NRXN3: variants seen among roughly 807,000 people sequenced by gnomAD.
NRXN3 encodes the protein neurexin III.
In NRXN3, 32 loss-of-function variants were observed where a neutral mutation model predicts 137.6. The ratio of observed to expected loss-of-function variants is 0.23; its 90% CI spans 0.18 to 0.31. The LOEUF is 0.31. Among genes scored for constraint, NRXN3 ranks in the 10% least tolerant of loss-of-function variants. The pLI, the probability that NRXN3 is intolerant of heterozygous loss-of-function variation, is 1.00. For missense variants in NRXN3, 1,574 were observed against 2,062.5 expected, an observed-to-expected ratio of 0.76 and a Z score of 4.59; for synonymous variants, 798 against 784.5, an observed-to-expected ratio of 1.02 and a Z score of -0.29.
intron 15 of NRXN3, among the ~76,000 whole-genome samples, chr14:79,069,575 AAG>A (rs1425615504): frequency 6.6e-6 from 1 of 151,756 alleles, no homozygotes; most frequent in African/African-American, 2.4e-5. Flanking sequence ...AAAAAAAAAA[AAG>A]GTCAGAGAAA....
intron 10 of NRXN3, among the ~76,000 whole-genome samples, chr14:78,863,763 G>A (rs112376328): frequency 3.3e-5 from 5 of 151,976 alleles, no homozygotes; most frequent in African/African-American, 1.2e-4. Context: ...AAAATAAACT[G>A]AAAAATCAAG....
intron 20 of NRXN3, among the ~76,000 whole-genome samples, chr14:79,855,934 C>T (rs191626031): frequency 6.7e-4 from 102 of 152,106 alleles, no homozygotes; most frequent in African/African-American, 1.8e-3. Flanking sequence ...TAGAGAGTTC[C>T]GATGTTAAGA....
chr14:79,680,684 G>GA (rs957117644), intron 17 of NRXN3, among the ~76,000 whole-genome samples: 4 of 151,616 alleles, frequency 2.6e-5, no homozygotes, highest in South Asian at 4.2e-4. Context: ...TGTTTGCTCA[G>GA]AAAAAAAAGA....
chr14:79,578,316 G>A (rs1393635666), intron 16 of NRXN3, among the ~76,000 whole-genome samples: 1 of 152,176 alleles, frequency 6.6e-6, no homozygotes, highest in East Asian at 1.9e-4. Flanking sequence ...TGCGACAATA[G>A]GCACGATGTT....
chr14:78,590,322 A>G (rs2097105478), intron 4 of NRXN3, among the ~76,000 whole-genome samples: 1 of 152,160 alleles, frequency 6.6e-6, no homozygotes, highest in Non-Finnish European at 1.5e-5. Context: ...TTACCTGTAC[A>G]ATGCAGGGGT....
At chr14:79,226,386 C>A (rs1263722637) in intron 15 of NRXN3, among the ~76,000 whole-genome samples, 2 of 152,110 alleles carry the variant, frequency 1.3e-5, no homozygotes, top group Non-Finnish European at 2.9e-5. Flanking sequence ...CTTTGATAGG[C>A]AATAAATTAC....
intron 1 of NRXN3, among the ~76,000 whole-genome samples, chr14:78,213,411 G>A (rs2062937725): frequency 6.6e-6 from 1 of 151,888 alleles, no homozygotes; most frequent in Admixed American, 6.6e-5. Flanking sequence ...CAGGAAGGAG[G>A]GAGAGTGTTC....
intron 8 of NRXN3, among the ~76,000 whole-genome samples, chr14:78,726,003 T>C (rs574793780): frequency 6.6e-6 from 1 of 152,298 alleles, no homozygotes; most frequent in South Asian, 2.1e-4. Context: ...TACGTTGAGG[T>C]GATCTCTGGG....
intron 15 of NRXN3, among the ~76,000 whole-genome samples, chr14:79,042,166 TG>T (rs1165365475): frequency 6.6e-6 from 1 of 152,202 alleles, no homozygotes; most frequent in Admixed American, 6.5e-5. Flanking sequence ...GACAAGCAAC[TG>T]TGATGGGGAC....
chr14:78,808,884 A>G (rs1596067366), intron 9 of NRXN3, among the ~76,000 whole-genome samples: 2 of 152,100 alleles, frequency 1.3e-5, no homozygotes, highest in South Asian at 4.2e-4. Flanking sequence ...TCCTCTAAAA[A>G]CTACTGGGTC....
intron 15 of NRXN3, among the ~76,000 whole-genome samples, chr14:79,325,181 T>A (rs1420105454): frequency 6.6e-6 from 1 of 152,272 alleles, no homozygotes; most frequent in East Asian, 1.9e-4. Flanking sequence ...ATTGCTTACT[T>A]CTTTCCTTTA....
intron 15 of NRXN3, among the ~76,000 whole-genome samples, chr14:79,347,103 G>A (rs2092924257): frequency 1.3e-5 from 2 of 152,138 alleles, no homozygotes; most frequent in South Asian, 2.1e-4. Context: ...GGCAAGGGGA[G>A]CGTGGCCATG....
chr14:79,748,878 G>C (rs1409334759), intron 19 of NRXN3, among the ~76,000 whole-genome samples: 1 of 151,772 alleles, frequency 6.6e-6, no homozygotes, highest in African/African-American at 2.4e-5. Context: ...TAGAATGAAG[G>C]GTTTGCAAAC....
rs372240319 is a variant in NRXN3, at chr14:79,652,267, T to C, written c.3445-11511T>C. Among the ~76,000 whole-genome samples, 223 of 152,294 alleles carry C rather than the reference T, an allele frequency of 1.5e-3. 5 individuals are homozygous for C. In the South Asian group the frequency reaches 0.044, roughly 30 times the overall value. On this transcript the variant is annotated intron_variant, in intron 16 of 20. Transcript: ENST00000335750. ...TTCCTCAGCCTCTTGAATGACATCA[T>C]TTACCTTCGTCATGTTAATGAACAA...
chr14:79,164,163 C>G (rs1434371352), intron 15 of NRXN3, among the ~76,000 whole-genome samples: 1 of 151,928 alleles, frequency 6.6e-6, no homozygotes, highest in Non-Finnish European at 1.5e-5. Context: ...ATCACTTCTT[C>G]TTCTTAGGAT....
intron 15 of NRXN3, among the ~76,000 whole-genome samples, chr14:79,236,381 A>G (rs776594403): frequency 2.0e-4 from 30 of 152,106 alleles, no homozygotes; most frequent in Non-Finnish European, 4.4e-5. Flanking sequence ...ATGTATATGT[A>G]TGTATATATG....
intron 16 of NRXN3, among the ~76,000 whole-genome samples, chr14:79,625,811 C>T (rs1472125983): frequency 6.6e-6 from 1 of 152,142 alleles, no homozygotes; most frequent in African/African-American, 2.4e-5. Flanking sequence ...TGTTGTCTTA[C>T]ACCGAAGTGT....
At chr14:78,397,754 C>T (rs2091624113) in intron 4 of NRXN3, among the ~76,000 whole-genome samples, 1 of 151,746 alleles carries the variant, frequency 6.6e-6, no homozygotes, top group South Asian at 2.1e-4. Context: ...CAGGCACATG[C>T]CACCATGCCA....
intron 8 of NRXN3, among the ~76,000 whole-genome samples, chr14:78,743,434 G>A (rs2098591191): frequency 1.3e-5 from 2 of 152,024 alleles, no homozygotes; most frequent in South Asian, 4.2e-4. Context: ...GATCTCTTTC[G>A]CTTGCACAGA....
Sources: gnomAD v4.1 joint callset for allele counts (sites outside exome capture counted in the v4.1 genomes callset) on GRCh38, gnomAD v4.1.1 for gene constraint, MANE v1.5 for transcripts, NCBI Gene and HGNC (gene_info 2026-07-23, HGNC 2026-07-21) for gene names.